Variants in SASH1 observed in about 807,000 individuals in gnomAD.
SASH1 encodes the protein SAM and SH3 domain containing 1, also known as SAM and SH3 domain-containing protein 1.
Under a neutral mutation model 125.2 loss-of-function variants are expected in SASH1, and 44 were observed. That is an observed-to-expected ratio of 0.35 (90% CI 0.28 to 0.45). The LOEUF (loss-of-function observed/expected upper bound fraction) is 0.45, where lower values mean the gene tolerates loss of function less well. SASH1 is among the 20% of genes least tolerant of loss of function. The pLI is 1.00. For missense variants in SASH1, 1,426 were observed against 1,614.5 expected (o/e 0.88, Z 2.00); for synonymous variants, 639 against 649.1 (o/e 0.98, Z 0.24).
At chr6:148,514,263 G>A in intron 8 of SASH1, 61 bp from the exon 9 acceptor site, 8 of 1,563,714 alleles carry the variant, frequency 5.1e-6, no homozygotes, top group Non-Finnish European at 6.9e-6. Context: ...GCTACATCCA[G>A]CCACACGGGC....
At chr6:148,250,597 T>TA in the SASH1 span, among the ~76,000 whole-genome samples, 10 of 149,498 alleles carry the variant, frequency 6.7e-5, no homozygotes, top group East Asian at 1.9e-4. Context: ...AAACTGTATT[T>TA]AAAAAAAAAG....
At chr6:148,273,568 A>T (rs929321507) in intron 1 of SASH1, among the ~76,000 whole-genome samples, 2 of 151,766 alleles carry the variant, frequency 1.3e-5, no homozygotes, top group Non-Finnish European at 2.9e-5. Flanking sequence ...TGCTGGGATT[A>T]CAGGCATGAG....
At chr6:148,479,353 G>A in intron 7 of SASH1, 2 of 183,038 alleles carry the variant, frequency 1.1e-5, no homozygotes, top group South Asian at 2.5e-4. Context: ...CCAGCCGACT[G>A]CACCACTTTT....
At chr6:148,443,338 G>A (rs946435492) in intron 4 of SASH1, among the ~76,000 whole-genome samples, 4 of 130,902 alleles carry the variant, frequency 3.1e-5, no homozygotes, top group Non-Finnish European at 6.5e-5. Flanking sequence ...CGTGATGTCC[G>A]TTTATTTCAT....
At chr6:148,521,142 G>A (rs1022974456) in intron 10 of SASH1, among the ~76,000 whole-genome samples, 3 of 152,228 alleles carry the variant, frequency 2.0e-5, no homozygotes, top group Non-Finnish European at 4.4e-5. Context: ...TTGAACTTCA[G>A]AATATAGATA....
At chr6:148,215,897 G>T in the SASH1 span, among the ~76,000 whole-genome samples, 5 of 151,564 alleles carry the variant, frequency 3.3e-5, no homozygotes, top group Non-Finnish European at 7.4e-5. Context: ...TTGCCCTGTC[G>T]CCCAGGCTGC....
At chr6:148,364,660 G>C (rs1211855631) in intron 1 of SASH1, among the ~76,000 whole-genome samples, 1 of 152,140 alleles carries the variant, frequency 6.6e-6, no homozygotes, top group Non-Finnish European at 1.5e-5. Flanking sequence ...GTAGATACAA[G>C]GTCAAGATGA....
chr6:148,455,268 A>G (rs919577644), intron 4 of SASH1, among the ~76,000 whole-genome samples: 1 of 151,976 alleles, frequency 6.6e-6, no homozygotes, highest in Non-Finnish European at 1.5e-5. Flanking sequence ...TTCCCAGGAG[A>G]CTCTTAAGCA....
At chr6:148,230,645 G>A in the SASH1 span, among the ~76,000 whole-genome samples, 8 of 152,190 alleles carry the variant, frequency 5.3e-5, no homozygotes, top group African/African-American at 9.6e-5. Flanking sequence ...AACAGGTTTC[G>A]AATTTTTCCA....
chr6:148,252,669 G>A, the SASH1 span, among the ~76,000 whole-genome samples: 2 of 152,022 alleles, frequency 1.3e-5, no homozygotes, highest in Non-Finnish European at 1.5e-5. Context: ...AGTAGAGGCA[G>A]GGTTTCGCCA....
chr6:148,439,463 T>A (rs1776450434), intron 2 of SASH1, among the ~76,000 whole-genome samples: 1 of 152,198 alleles, frequency 6.6e-6, no homozygotes, highest in African/African-American at 2.4e-5. Flanking sequence ...TATTAAGTGC[T>A]CTGAATACAT....
At chr6:148,247,145 G>C in the SASH1 span, among the ~76,000 whole-genome samples, 1 of 152,212 alleles carries the variant, frequency 6.6e-6, no homozygotes, top group African/African-American at 2.4e-5. Context: ...GGTGAAGATT[G>C]TCTCTCAGAA....
Position 148,458,983 on chromosome 6 carries a change from T to TACAC in SASH1, c.387-9525_387-9522dup, listed in dbSNP as rs71004297. On this transcript the variant is annotated intron_variant, in intron 4 of 19. Coordinates refer to ENST00000367467, the MANE Select transcript of SASH1 (RefSeq NM_015278.5). ...ACCTGTCTCAAAAAAAAAAAAAGTA[T>TACAC]ACACACACACACACACACACACACA... is the stretch of plus-strand genomic sequence containing the variant. Among the ~76,000 whole-genome samples the TACAC allele has an allele frequency of 3.7e-3, 516 of 137,952 alleles. 2 individuals carry two copies. Among genetic ancestry groups the TACAC allele is most frequent in the African/African-American group, 8.5e-3 (316 of 36,978 alleles). 90.5% of individuals were successfully genotyped at this position (137,952 alleles called of 152,430 possible).
intron 2 of SASH1, among the ~76,000 whole-genome samples, chr6:148,419,953 A>G (rs1007746557): frequency 6.6e-6 from 1 of 152,230 alleles, no homozygotes; most frequent in Admixed American, 6.5e-5. Flanking sequence ...AGGTGTTTTA[A>G]GAAAAAGGGA....
chr6:148,370,223 A>ACC, intron 1 of SASH1, among the ~76,000 whole-genome samples: 1 of 152,172 alleles, frequency 6.6e-6, no homozygotes, highest in Non-Finnish European at 1.5e-5. Context: ...TTATTAAAAA[A>ACC]CAAATTGTGA....
intron 1 of SASH1, among the ~76,000 whole-genome samples, chr6:148,367,295 G>A (rs989764944): frequency 2.0e-5 from 3 of 152,146 alleles, no homozygotes; most frequent in Non-Finnish European, 4.4e-5. Context: ...GCTTCCTTAA[G>A]CTAAAAACTT....
intron 2 of SASH1, among the ~76,000 whole-genome samples, chr6:148,422,373 G>C (rs1384202333): frequency 1.3e-5 from 2 of 152,204 alleles, no homozygotes; most frequent in Non-Finnish European, 2.9e-5. Context: ...CAGAAAGTGA[G>C]TGTTACGTGT....
At chr6:148,327,986 A>G (rs1780885626) in intron 1 of SASH1, among the ~76,000 whole-genome samples, 3 of 152,080 alleles carry the variant, frequency 2.0e-5, no homozygotes, top group South Asian at 2.1e-4. Flanking sequence ...GAACACAAAA[A>G]GTAAACTGAG....
chr6:148,349,767 G>C (rs1296716873), intron 1 of SASH1, among the ~76,000 whole-genome samples: 1 of 151,936 alleles, frequency 6.6e-6, no homozygotes, highest in Non-Finnish European at 1.5e-5. Context: ...ACTTTCTTTT[G>C]ATAATTCTTT....
Sources: gnomAD v4.1 joint callset for allele counts (sites outside exome capture counted in the v4.1 genomes callset) on GRCh38, gnomAD v4.1.1 for gene constraint, MANE v1.5 for transcripts, NCBI Gene and HGNC (gene_info 2026-07-23, HGNC 2026-07-21) for gene names.